Variants in MRTFB observed in about 807,000 individuals in gnomAD.
The protein encoded by MRTFB is myocardin-related transcription factor B.
Under a neutral mutation model 104.2 loss-of-function variants are expected in MRTFB, and 29 were observed. That is an observed-to-expected ratio of 0.28 (90% CI 0.21 to 0.38). The LOEUF (loss-of-function observed/expected upper bound fraction) is 0.38, where lower values mean the gene tolerates loss of function less well. Among genes scored for constraint, MRTFB ranks in the 10% least tolerant of loss-of-function variants. MRTFB has a pLI of 1.00. For missense variants in MRTFB, 1,270 were observed against 1,341.6 expected (o/e 0.95, Z 0.83); for synonymous variants, 535 against 519.5 (o/e 1.03, Z -0.41).
the MRTFB span, among the ~76,000 whole-genome samples, chr16:13,999,182 C>T: frequency 6.8e-6 from 1 of 148,006 alleles, no homozygotes; most frequent in Non-Finnish European, 1.5e-5. Flanking sequence ...AAGAGTAAGA[C>T]TCTGTCTCCA....
intron 3 of MRTFB, among the ~76,000 whole-genome samples, chr16:14,156,018 CTGTG>C (rs979907834): frequency 4.1e-4 from 63 of 152,336 alleles, no homozygotes; most frequent in African/African-American, 1.3e-3. Flanking sequence ...TAACAAGCTC[CTGTG>C]TGATTTCTCC....
At chr16:14,055,141 C>A in the MRTFB span, among the ~76,000 whole-genome samples, 2 of 152,170 alleles carry the variant, frequency 1.3e-5, no homozygotes, top group African/African-American at 4.8e-5. Context: ...CACCTGAGGT[C>A]AGGAGTTTGA....
chr16:14,163,483 C>G (rs1475956645), intron 3 of MRTFB, among the ~76,000 whole-genome samples: 2 of 152,170 alleles, frequency 1.3e-5, no homozygotes, highest in Non-Finnish European at 1.5e-5. Context: ...ACTGGAAGAT[C>G]AAGGCCACAT....
Position 14,177,901 on chromosome 16 carries a change from A to AGGGT in MRTFB, c.155-32340_155-32337dup, listed in dbSNP as rs1555495132. On this transcript the variant is annotated intron_variant, in intron 3 of 16. Coordinates refer to ENST00000571589, the MANE Select transcript of MRTFB (RefSeq NM_001308142.2). The surrounding 1 kb of genome is among the most constrained non-coding windows in gnomAD (Gnocchi z 4.7). ...AGCGAGAAGTACATGAACCAGAGGT[A>AGGGT]GGGTGTGTGTGTGTGTGTGTGTGTG... is the stretch of plus-strand genomic sequence containing the variant. 1.5e-5 allele frequency among the ~76,000 whole-genome samples: 1 copy of AGGGT among 67,430 alleles called. No individual in the cohort carries two copies. The highest frequency in any genetic ancestry group is 5.8e-5 in the African/African-American group (1 of 17,202). 44.2% of individuals were successfully genotyped at this position (67,430 alleles called of 152,430 possible). A position where few individuals can be genotyped will look rare whatever the true frequency, so the allele number is the denominator to read the frequency against.
At chr16:14,106,046 A>G (rs1413561343) in intron 2 of MRTFB, among the ~76,000 whole-genome samples, 2 of 152,224 alleles carry the variant, frequency 1.3e-5, no homozygotes, top group Non-Finnish European at 1.5e-5. Flanking sequence ...TAAGTCTCTT[A>G]ATGCTACCAC....
chr16:14,029,647 A>G, the MRTFB span, among the ~76,000 whole-genome samples: 1 of 151,982 alleles, frequency 6.6e-6, no homozygotes, highest in Non-Finnish European at 1.5e-5. Context: ...CATTGTCTTC[A>G]TCGTCACTGT....
At chr16:14,013,487 T>C in the MRTFB span, 1 of 152,144 alleles carries the variant, frequency 6.6e-6, no homozygotes, top group Non-Finnish European at 1.5e-5. Flanking sequence ...GGGAAAACAT[T>C]GTAAATACTG....
intron 8 of MRTFB, among the ~76,000 whole-genome samples, chr16:14,222,940 G>A (rs2041803905): frequency 6.6e-6 from 1 of 151,706 alleles, no homozygotes; most frequent in Admixed American, 6.6e-5. Context: ...AGCTTACTTG[G>A]GAAGCTGAGG....
intron 2 of MRTFB, among the ~76,000 whole-genome samples, chr16:14,096,421 G>A (rs1297842924): frequency 6.6e-6 from 1 of 152,164 alleles, no homozygotes; most frequent in East Asian, 1.9e-4. Flanking sequence ...GAATTCTGAA[G>A]CACGTGTCAC....
At chr16:14,133,569 C>T (rs926896826) in intron 2 of MRTFB, among the ~76,000 whole-genome samples, 9 of 151,978 alleles carry the variant, frequency 5.9e-5, no homozygotes, top group African/African-American at 1.2e-4. Context: ...TTTTAGATTC[C>T]CTTTCTCTTT....
chr16:14,119,179 A>G (rs575711433), intron 2 of MRTFB, among the ~76,000 whole-genome samples: 96 of 152,354 alleles, frequency 6.3e-4, no homozygotes, highest in Non-Finnish European at 1.1e-3. Context: ...TAGGATTAGT[A>G]TAGTCACGTG....
At chr16:14,134,481 A>G (rs1413666950) in intron 2 of MRTFB, among the ~76,000 whole-genome samples, 1 of 152,210 alleles carries the variant, frequency 6.6e-6, no homozygotes, top group Non-Finnish European at 1.5e-5. Flanking sequence ...AAATGGAACA[A>G]GAGGAGAGGG....
At chr16:14,176,482 T>C (rs2039587751) in intron 3 of MRTFB, among the ~76,000 whole-genome samples, 1 of 152,228 alleles carries the variant, frequency 6.6e-6, no homozygotes, top group South Asian at 2.1e-4. Flanking sequence ...CTGTGACTGT[T>C]TTCTCAGTTC....
the MRTFB span, among the ~76,000 whole-genome samples, chr16:14,017,319 A>G: frequency 4.6e-4 from 70 of 151,246 alleles, no homozygotes; most frequent in South Asian, 2.1e-3. Flanking sequence ...GCCTCCCAAA[A>G]TGCTGGGATT....
At chr16:14,001,324 A>G in the MRTFB span, among the ~76,000 whole-genome samples, 3 of 152,164 alleles carry the variant, frequency 2.0e-5, no homozygotes, top group East Asian at 5.8e-4. Context: ...TCTCGGCTCC[A>G]TTATCTGCTG....
chr16:14,105,164 C>A (rs1000948049), intron 2 of MRTFB, among the ~76,000 whole-genome samples: 11 of 152,164 alleles, frequency 7.2e-5, no homozygotes, highest in African/African-American at 2.4e-4. Context: ...CCCATTATTT[C>A]TTTCCTTTGA....
At chr16:14,148,462 A>G (rs1597076413) in intron 3 of MRTFB, among the ~76,000 whole-genome samples, 1 of 152,198 alleles carries the variant, frequency 6.6e-6, no homozygotes, top group East Asian at 1.9e-4. Flanking sequence ...CTTAGCTTGT[A>G]TTTTAAGACA....
chr16:14,125,557 G>A (rs919888929), intron 2 of MRTFB, among the ~76,000 whole-genome samples: 7 of 152,212 alleles, frequency 4.6e-5, no homozygotes, highest in Non-Finnish European at 7.3e-5. Flanking sequence ...AAGCACCTCT[G>A]TTTTTCCAGT....
intron 8 of MRTFB, among the ~76,000 whole-genome samples, chr16:14,231,279 A>G (rs1158453798): frequency 6.7e-6 from 1 of 150,234 alleles, no homozygotes; most frequent in Non-Finnish European, 1.5e-5. Context: ...AACTTAAAGT[A>G]TAATAATAAT....
Sources: allele counts gnomAD v4.1 joint callset (sites outside exome capture counted in the v4.1 genomes callset), GRCh38; gene constraint gnomAD v4.1.1; non-coding constraint Gnocchi (gnomAD v3.1); transcripts MANE v1.5; gene names NCBI Gene and HGNC (gene_info 2026-07-23, HGNC 2026-07-21).